Variants in RCAN2 observed in about 807,000 individuals in gnomAD.
RCAN2 encodes the protein regulator of calcineurin 2.
A neutral mutation model predicts 23.6 loss-of-function variants in RCAN2; 9 were observed. The observed-to-expected ratio is 0.38, with a 90% CI of 0.23 to 0.67. The LOEUF (loss-of-function observed/expected upper bound fraction) is 0.67. Among genes scored for constraint, RCAN2 ranks in the 30% least tolerant of loss-of-function variants. The pLI is 0.51. For missense variants in RCAN2, 273 were observed against 302.3 expected, an observed-to-expected ratio of 0.90 and a Z score of 0.72; for synonymous variants, 109 against 115.7, an observed-to-expected ratio of 0.94 and a Z score of 0.37.
chr6:46,472,007 G>A (rs769204487), intron 1 of RCAN2, among the ~76,000 whole-genome samples: 3 of 152,192 alleles, frequency 2.0e-5, no homozygotes, highest in Non-Finnish European at 2.9e-5. Flanking sequence ...ATTCTTCCTC[G>A]CATTGTTCTG....
intron 2 of RCAN2, among the ~76,000 whole-genome samples, chr6:46,441,464 C>T (rs1230253897): frequency 2.6e-5 from 4 of 152,034 alleles, no homozygotes; most frequent in Non-Finnish European, 4.4e-5. Context: ...AAAGACTAGA[C>T]CATCATATGA....
chr6:46,461,324 A>G (rs908184539), intron 1 of RCAN2, among the ~76,000 whole-genome samples: 32 of 152,246 alleles, frequency 2.1e-4, no homozygotes, highest in African/African-American at 7.7e-4. Context: ...ATCCCAGTGT[A>G]TGAATCTGTC....
intron 1 of RCAN2, among the ~76,000 whole-genome samples, chr6:46,463,489 T>C (rs1437830432): frequency 6.6e-6 from 1 of 152,218 alleles, no homozygotes; most frequent in Non-Finnish European, 1.5e-5. Context: ...GCCATTCATT[T>C]AGCAGGATGT....
intron 1 of RCAN2, among the ~76,000 whole-genome samples, chr6:46,485,263 G>T (rs577724241): frequency 6.6e-6 from 1 of 152,162 alleles, no homozygotes; most frequent in African/African-American, 2.4e-5. Context: ...CAGCTAATGA[G>T]AAAAATATTC....
intron 2 of RCAN2, among the ~76,000 whole-genome samples, chr6:46,342,226 G>C (rs958763475): frequency 6.6e-6 from 1 of 152,150 alleles, no homozygotes; most frequent in Non-Finnish European, 1.5e-5. Context: ...CCTGGAATAG[G>C]AATAAGTAAG....
intron 2 of RCAN2, among the ~76,000 whole-genome samples, chr6:46,445,446 C>T (rs1190737596): frequency 3.3e-5 from 5 of 152,184 alleles, no homozygotes; most frequent in African/African-American, 4.8e-5. Context: ...TAAAGGACTT[C>T]CCCAGACAAA....
chr6:46,446,608 A>G (rs1441352430), intron 2 of RCAN2, among the ~76,000 whole-genome samples: 8 of 152,196 alleles, frequency 5.3e-5, no homozygotes, highest in East Asian at 1.9e-4. Context: ...TTTAGTATGA[A>G]GTTTCAAAGA....
intron 2 of RCAN2, among the ~76,000 whole-genome samples, chr6:46,350,095 G>A (rs1764601009): frequency 1.3e-5 from 2 of 151,952 alleles, no homozygotes; most frequent in South Asian, 4.2e-4. Context: ...TTTTTTAATT[G>A]GTTTTCTCTC....
chr6:46,375,058 C>T lies in RCAN2; in HGVS notation c.225+81694G>A, dbSNP rs187010163. 2.7e-4 allele frequency among the ~76,000 whole-genome samples: 41 copies of T among 152,218 alleles called. No individual in the cohort carries two copies. In the East Asian group the frequency reaches 6.7e-3, roughly 25 times the overall value. On this transcript the variant is annotated intron_variant, in intron 2 of 4. Coordinates refer to ENST00000371374, the MANE Select transcript of RCAN2 (RefSeq NM_001251974.2). ...AGTAGCTGGCATTACAGCCAGCAGCCCAGTAGCCGGCATTACAGCCAGCAG... is the reference window on the plus strand; with the variant it reads ...AGTAGCTGGCATTACAGCCAGCAGCTCAGTAGCCGGCATTACAGCCAGCAG...
intron 2 of RCAN2, 135 bp from the exon 3 acceptor site, chr6:46,249,031 A>AT (rs991949523): frequency 5.6e-5 from 33 of 588,940 alleles, no homozygotes; most frequent in Non-Finnish European, 8.0e-5. Context: ...CCAGTAATGT[A>AT]TTTTTTTCAT....
chr6:46,342,378 A>G (rs1764349441), intron 2 of RCAN2, among the ~76,000 whole-genome samples: 2 of 151,754 alleles, frequency 1.3e-5, no homozygotes, highest in Admixed American at 1.3e-4. Context: ...GTGGAAACAT[A>G]AATCACCTTA....
chr6:46,236,717 G>C (rs1251523837), intron 4 of RCAN2, among the ~76,000 whole-genome samples: 1 of 152,150 alleles, frequency 6.6e-6, no homozygotes, highest in African/African-American at 2.4e-5. Context: ...TTTAACTTGT[G>C]TAAGTTTTAG....
intron 2 of RCAN2, among the ~76,000 whole-genome samples, chr6:46,264,737 G>A (rs540558297): frequency 1.3e-5 from 2 of 152,246 alleles, no homozygotes; most frequent in East Asian, 3.9e-4. Context: ...CCGACTCTTC[G>A]GCTATGGCTA....
intron 1 of RCAN2, among the ~76,000 whole-genome samples, chr6:46,473,610 GT>G (rs1211650530): frequency 6.6e-6 from 1 of 152,132 alleles, no homozygotes; most frequent in Non-Finnish European, 1.5e-5. Context: ...TGCTCAGTGG[GT>G]TTATAACCTC....
At position 46,287,471 on chromosome 6, in the gene RCAN2, T is replaced by C. The variant is rs370966798; in HGVS notation, c.226-38575A>G. On this transcript the variant is annotated intron_variant, in intron 2 of 4. Transcript: ENST00000371374. ...TTTTTCCCTCTGTGCTACCCCCCAC[T>C]TCCCAAAATACACACACGTCTTCCA... Among the ~76,000 whole-genome samples, 4 of 152,314 alleles carry C rather than the reference T, an allele frequency of 2.6e-5. No homozygotes were observed. The East Asian group carries it at 7.7e-4, about 29-fold the overall frequency.
intron 2 of RCAN2, among the ~76,000 whole-genome samples, chr6:46,297,954 G>T (rs1034620714): frequency 1.3e-5 from 2 of 152,052 alleles, no homozygotes; most frequent in African/African-American, 4.8e-5. Flanking sequence ...GAGTGAAAAT[G>T]GAACTGAAAC....
intron 4 of RCAN2, among the ~76,000 whole-genome samples, chr6:46,243,595 G>A (rs1475169055): frequency 6.6e-6 from 1 of 152,012 alleles, no homozygotes; most frequent in Non-Finnish European, 1.5e-5. Context: ...TGGATCACGA[G>A]GTCAGGAGTT....
chr6:46,256,107 C>T (rs1294835864), intron 2 of RCAN2, among the ~76,000 whole-genome samples: 9 of 152,082 alleles, frequency 5.9e-5, no homozygotes, highest in South Asian at 2.1e-4. Context: ...CGGTAGCTCA[C>T]GCCTGTAATC....
At chr6:46,460,846 A>G (rs1476922426) in intron 1 of RCAN2, among the ~76,000 whole-genome samples, 1 of 152,226 alleles carries the variant, frequency 6.6e-6, no homozygotes, top group Non-Finnish European at 1.5e-5. Flanking sequence ...AAATGTATAC[A>G]CTAATGATAT....
Sources: allele counts gnomAD v4.1 joint callset (sites outside exome capture counted in the v4.1 genomes callset), GRCh38; gene constraint gnomAD v4.1.1; transcripts MANE v1.5; gene names NCBI Gene and HGNC (gene_info 2026-07-23, HGNC 2026-07-21).